DDR2: variants seen among roughly 807,000 people sequenced by gnomAD.
The protein encoded by DDR2 is discoidin domain-containing receptor 2.
In DDR2, 27 loss-of-function variants were observed where a neutral mutation model predicts 94.9. The observed-to-expected ratio is 0.28, with a 90% confidence interval of 0.21 to 0.39. The LOEUF (loss-of-function observed/expected upper bound fraction) is 0.39. Among genes scored for constraint, DDR2 ranks in the 10% least tolerant of loss-of-function variants. The pLI is 1.00. For synonymous variants in DDR2, 382 were observed against 377.2 expected (o/e 1.01, Z -0.15); for missense variants, 783 against 1,076.0 (o/e 0.73, Z 3.81).
At chr1:162,682,674 G>A (rs1345901863) in intron 2 of DDR2, among the ~76,000 whole-genome samples, 1 of 152,182 alleles carries the variant, frequency 6.6e-6, no homozygotes, top group African/African-American at 2.4e-5. Context: ...CTATTTCTCT[G>A]TGTCTCAGTT....
intron 2 of DDR2, among the ~76,000 whole-genome samples, chr1:162,711,524 C>A (rs1272310298): frequency 6.6e-6 from 1 of 152,136 alleles, no homozygotes; most frequent in African/African-American, 2.4e-5. Context: ...AATGATCAGA[C>A]TTGGAGAAAA....
intron 3 of DDR2, among the ~76,000 whole-genome samples, chr1:162,747,655 C>T (rs374733348): frequency 1.3e-5 from 2 of 152,098 alleles, no homozygotes; most frequent in East Asian, 3.9e-4. Context: ...GAGAACGCCA[C>T]AAAGATACTC....
intron 15 of DDR2, 85 bp from the exon 16 acceptor site, chr1:162,776,051 T>C: frequency 7.2e-7 from 1 of 1,383,838 alleles, no homozygotes; most frequent in Non-Finnish European, 1.0e-6. Flanking sequence ...TCAACCCTAG[T>C]TTGTTGATAC....
chr1:162,673,732 TAAAACAAAACAAAAC>T (rs145557802), intron 2 of DDR2, among the ~76,000 whole-genome samples: 3 of 150,848 alleles, frequency 2.0e-5, no homozygotes, highest in Non-Finnish European at 4.4e-5. Flanking sequence ...GCACTTTAGT[TAAAACAAAACAAAAC>T]AAAACAAAAC....
intron 13 of DDR2, chr1:162,772,498 T>A: frequency 2.0e-6 from 1 of 504,484 alleles, no homozygotes; most frequent in Non-Finnish European, 3.6e-6. Context: ...TTCAGATATC[T>A]TGAAAAACAT....
intron 2 of DDR2, among the ~76,000 whole-genome samples, chr1:162,658,826 CA>C (rs66881633): frequency 0.011 from 1,557 of 142,842 alleles, 59 homozygotes; most frequent in African/African-American, 0.035. Context: ...GACCCTGTCT[CA>C]AAAAATAAAT....
chr1:162,724,296 A>G (rs1170828147), intron 3 of DDR2, among the ~76,000 whole-genome samples: 4 of 152,152 alleles, frequency 2.6e-5, no homozygotes, highest in South Asian at 2.1e-4. Context: ...ATGCAGCCTC[A>G]TGCTTTCCTT....
chr1:162,668,478 T>C (rs1292272205), intron 2 of DDR2, among the ~76,000 whole-genome samples: 2 of 152,164 alleles, frequency 1.3e-5, no homozygotes, highest in African/African-American at 4.8e-5. Flanking sequence ...AGGCTAGAAG[T>C]CCAAGATCAA....
rs2102207431 is a variant in DDR2 at position 162,778,746 on chromosome 1, A to G, written c.2433+17A>G. Reference sequence around the variant, plus strand: ...GGGAGGCAGGTAAGAACTGTTGGGGATGAATGGATGTGGACCTGTGTACCT... The same window carrying G: ...GGGAGGCAGGTAAGAACTGTTGGGGGTGAATGGATGTGGACCTGTGTACCT... On this transcript the variant is annotated intron_variant, in intron 17 of 17. Transcript: ENST00000367921. 6.2e-7 allele frequency: 1 copy of G among 1,613,656 alleles called. No individual in the cohort carries two copies.
chr1:162,737,753 G>A (rs1326733670), intron 3 of DDR2, among the ~76,000 whole-genome samples: 1 of 122,446 alleles, frequency 8.2e-6, no homozygotes. Context: ...CACAATGGTT[G>A]AACTAGTTTA....
chr1:162,656,359 G>T (rs1195070783), intron 2 of DDR2, among the ~76,000 whole-genome samples: 2 of 152,098 alleles, frequency 1.3e-5, no homozygotes, highest in African/African-American at 4.8e-5. Flanking sequence ...GATAAGGGTG[G>T]GGCTAAAGTG....
At chr1:162,714,357 C>A (rs1661056450) in intron 2 of DDR2, among the ~76,000 whole-genome samples, 1 of 152,086 alleles carries the variant, frequency 6.6e-6, no homozygotes, top group Admixed American at 6.6e-5. Context: ...TTATCTTTAG[C>A]TCATAGCAAA....
chr1:162,756,679 T>A (rs1324674645), intron 7 of DDR2, among the ~76,000 whole-genome samples: 1 of 152,182 alleles, frequency 6.6e-6, no homozygotes, highest in African/African-American at 2.4e-5. Flanking sequence ...AGCCTTCTAC[T>A]GGCTTAGGTG....
chr1:162,776,670 A>C lies in DDR2; in HGVS notation c.2283+300A>C, dbSNP rs543848462. On this transcript the variant is annotated intron_variant, in intron 16 of 17. Transcript: ENST00000367921. ...TTGTTCTTAATTTAAGATATTAAAA[A>C]CCTTATCATTTAAAGAAATGTTACC... Among the ~76,000 whole-genome samples, 4 of 152,268 alleles carry C rather than the reference A, an allele frequency of 2.6e-5. No individual in the cohort carries two copies. In the South Asian group the frequency reaches 8.3e-4, roughly 32 times the overall value.
chr1:162,727,974 T>TAG (rs1228792673), intron 3 of DDR2, among the ~76,000 whole-genome samples: 13 of 141,472 alleles, frequency 9.2e-5, no homozygotes, highest in East Asian at 4.0e-4. Context: ...TATATATATA[T>TAG]ATAGATATAA....
In DDR2 at chr1:162,773,595, A is replaced by T. The variant is rs753040959; in HGVS notation, c.1855A>T (p.Arg619Trp). 6.2e-7 allele frequency: 1 copy of T among 1,613,930 alleles called. No individual in the cohort carries two copies. Among genetic ancestry groups the T allele is most frequent in the Non-Finnish European group, 8.5e-7 (1 of 1,179,848 alleles). The change falls in exon 14 of 18, where the codon AGG becomes TGG. Residue 619 changes from arginine to tryptophan, a missense_variant and splice_region_variant. This residue lies in a region of DDR2 where 264 missense variants were observed against 428.2 expected (regional missense o/e 0.62). Coordinates refer to ENST00000367921, the MANE Select transcript of DDR2 (RefSeq NM_006182.4). ...MLRADANKNA[R>W]NDFLKEIKIM... The stretch of plus-strand genomic sequence containing the variant: ...CCGAGCAGATGCCAACAAGAATGCC[A>T]GGTCTGTGGTCTACATTTTGAATTT...
intron 2 of DDR2, among the ~76,000 whole-genome samples, chr1:162,713,132 G>A (rs1416969879): frequency 6.6e-6 from 1 of 152,142 alleles, no homozygotes; most frequent in African/African-American, 2.4e-5. Context: ...AACTGATAAA[G>A]TTCAGGAATT....
chr1:162,633,809 A>G (rs1329176333), intron 1 of DDR2, among the ~76,000 whole-genome samples: 1 of 152,200 alleles, frequency 6.6e-6, no homozygotes, highest in Non-Finnish European at 1.5e-5. Context: ...AAGAAGCTAA[A>G]TTCTGAGTAT....
intron 2 of DDR2, among the ~76,000 whole-genome samples, chr1:162,691,187 C>T (rs1255075456): frequency 6.6e-6 from 1 of 152,096 alleles, no homozygotes; most frequent in Non-Finnish European, 1.5e-5. Flanking sequence ...CTAGGAAGTG[C>T]CTGGGCTGCT....
Sources: gnomAD v4.1 joint callset for allele counts (sites outside exome capture counted in the v4.1 genomes callset) on GRCh38, gnomAD v4.1.1 for gene constraint, gnomAD v4.1.1 regional missense constraint, MANE v1.5 for transcripts, NCBI Gene and HGNC (gene_info 2026-07-23, HGNC 2026-07-21) for gene names.